KIF24: variants seen among roughly 807,000 people sequenced by gnomAD.
KIF24 encodes kinesin-like protein KIF24.
A neutral mutation model predicts 118.9 loss-of-function variants in KIF24; 81 were observed. The observed-to-expected ratio is 0.68, with a 90% CI of 0.57 to 0.82. The LOEUF is 0.82. Ranked by LOEUF, KIF24 falls within the 40% of genes least tolerant of loss-of-function variation. The pLI is 0.00. For missense variants in KIF24, 1,560 were observed against 1,661.6 expected, an observed-to-expected ratio of 0.94 and a Z score of 1.06; for synonymous variants, 599 against 610.0, an observed-to-expected ratio of 0.98 and a Z score of 0.27.
At chr9:34,312,451 T>C (rs1331327932) in intron 1 of KIF24, among the ~76,000 whole-genome samples, 1 of 152,242 alleles carries the variant, frequency 6.6e-6, no homozygotes, top group Non-Finnish European at 1.5e-5. Flanking sequence ...ACATTTTCTT[T>C]TTTAAAATGG....
At chr9:34,324,984 T>C (rs1224507555) in intron 1 of KIF24, among the ~76,000 whole-genome samples, 1 of 152,088 alleles carries the variant, frequency 6.6e-6, no homozygotes, top group Non-Finnish European at 1.5e-5. Context: ...ATAATTATTA[T>C]ATGATAATTA....
rs189283063 is a variant in KIF24 at position 34,319,000 on chromosome 9, G to A, written c.-25-7629C>T. ...ACATGGAGTGCATGGATGGCGCCCT[G>A]CTTGTCAACACCATGTTCTTCAAGC... On this transcript the variant is annotated intron_variant, in intron 1 of 12. Coordinates refer to ENST00000402558, the MANE Select transcript of KIF24 (RefSeq NM_194313.4). This position sits in a 1 kb window ranked among gnomAD's most constrained non-coding sequence, Gnocchi z 4.9. 37 of 1,229,318 alleles carry A rather than the reference G, an allele frequency of 3.0e-5. No homozygotes were observed. Among genetic ancestry groups the A allele is most frequent in the Non-Finnish European group, 2.3e-5 (19 of 833,378 alleles). The allele number at this position is 1,229,318 out of a possible 1,614,324, so 76.2% of individuals were successfully genotyped here. A position where few individuals can be genotyped will look rare whatever the true frequency, so the allele number is the denominator to read the frequency against.
chr9:34,269,704 C>T (rs895353255), intron 7 of KIF24, among the ~76,000 whole-genome samples: 4 of 151,938 alleles, frequency 2.6e-5, no homozygotes, highest in Non-Finnish European at 5.9e-5. Flanking sequence ...CAGGCATGAG[C>T]CACCGCGCCT....
intron 6 of KIF24, among the ~76,000 whole-genome samples, chr9:34,272,763 T>C (rs761859056): frequency 6.9e-4 from 105 of 152,184 alleles, no homozygotes; most frequent in Non-Finnish European, 2.9e-4. Flanking sequence ...GCTGGGATTA[T>C]AGGTGTGCAT....
intron 6 of KIF24, among the ~76,000 whole-genome samples, chr9:34,281,000 GTATT>G (rs1441849599): frequency 6.6e-6 from 1 of 152,148 alleles, no homozygotes; most frequent in Non-Finnish European, 1.5e-5. Context: ...TGTTATCAAT[GTATT>G]AATTCATTCA....
chr9:34,307,860 G>GAAAAA (rs57149308), intron 2 of KIF24, among the ~76,000 whole-genome samples: 7 of 113,916 alleles, frequency 6.1e-5, no homozygotes, highest in South Asian at 5.6e-4. Context: ...GACTCTGTCT[G>GAAAAA]AAAAAAAAAA....
At chr9:34,309,294 C>G (rs1837047851) in intron 2 of KIF24, among the ~76,000 whole-genome samples, 1 of 152,148 alleles carries the variant, frequency 6.6e-6, no homozygotes, top group South Asian at 2.1e-4. Context: ...GTAATCCCAG[C>G]ATTTTGGGAG....
intron 1 of KIF24, among the ~76,000 whole-genome samples, chr9:34,324,381 A>G (rs1056349311): frequency 4.6e-5 from 7 of 152,210 alleles, no homozygotes; most frequent in Non-Finnish European, 1.0e-4. Flanking sequence ...AAAGCATCCT[A>G]GAGGCCTTCT....
chr9:34,261,689 A>T (rs1349249892), intron 9 of KIF24, among the ~76,000 whole-genome samples: 3 of 152,214 alleles, frequency 2.0e-5, no homozygotes, highest in Non-Finnish European at 4.4e-5. Flanking sequence ...GTGGCTGCGT[A>T]ATAGTAGAAA....
Position 34,318,561 on chromosome 9 carries a change from G to A in KIF24, c.-25-7190C>T. ...GAACACAGCGCCGGCCTGGCCTTCAGCCTGTACCAGGCCATGGCCAAGGAC... is the reference window on the plus strand; with the variant it reads ...GAACACAGCGCCGGCCTGGCCTTCAACCTGTACCAGGCCATGGCCAAGGAC... On this transcript the variant is annotated intron_variant, in intron 1 of 12. Transcript: ENST00000402558. The surrounding 1 kb of genome is among the most constrained non-coding windows in gnomAD (Gnocchi z 4.9). The A allele has an allele frequency of 8.3e-7, 1 of 1,204,872 alleles. No homozygotes were observed. The highest frequency in any genetic ancestry group is 1.3e-5 in the South Asian group (1 of 79,778). 74.6% of individuals were successfully genotyped at this position (1,204,872 alleles called of 1,614,324 possible).
intron 1 of KIF24, among the ~76,000 whole-genome samples, chr9:34,323,244 TTC>T (rs1312830093): frequency 6.6e-6 from 1 of 152,220 alleles, no homozygotes; most frequent in Non-Finnish European, 1.5e-5. Flanking sequence ...AAGAAATTGT[TTC>T]TGTTTTTAAC....
chr9:34,257,307 T>C lies in KIF24; in HGVS notation c.2300A>G (p.Tyr767Cys). The change falls in exon 11 of 13, where the codon TAT becomes TGT. Residue 767 changes from tyrosine to cysteine, a missense_variant. This residue lies in a region of KIF24 where 964 missense variants were observed against 988.0 expected (regional missense o/e 0.98). Transcript: ENST00000402558. ...QKEREEHLRF[Y>C]HQQFQQPPLL... The stretch of plus-strand genomic sequence containing the variant: ...AGGTGGCTGTTGGAACTGCTGGTGA[T>C]AGAAACGCAGATGTTCCTCCCTCTC... The C allele has an allele frequency of 3.7e-6, 6 of 1,614,040 alleles. No individual in the cohort carries two copies. Among genetic ancestry groups the C allele is most frequent in the Non-Finnish European group, 5.1e-6 (6 of 1,179,904 alleles).
chr9:34,291,082 G>A (rs1356261560), intron 4 of KIF24, among the ~76,000 whole-genome samples: 1 of 152,168 alleles, frequency 6.6e-6, no homozygotes, highest in East Asian at 1.9e-4. Context: ...TAAATTTAGT[G>A]AAAGAATAGA....
At chr9:34,278,881 C>G (rs145214016) in intron 6 of KIF24, among the ~76,000 whole-genome samples, 1 of 152,170 alleles carries the variant, frequency 6.6e-6, no homozygotes, top group Non-Finnish European at 1.5e-5. Context: ...CTTTGGGAGG[C>G]TGAGATAGAG....
rs1676381818 is a variant in KIF24, at chr9:34,318,272, A to G, written c.-25-6901T>C. The G allele has an allele frequency of 3.6e-6, 2 of 551,516 alleles. No homozygotes were observed. The highest frequency in any genetic ancestry group is 1.9e-5 in the African/African-American group (1 of 52,926). 34.2% of individuals were successfully genotyped at this position (551,516 alleles called of 1,614,324 possible). A position where few individuals can be genotyped will look rare whatever the true frequency, so the allele number is the denominator to read the frequency against. ...TAAAAGTTACATAGAAATAGGCTAT[A>G]GAAGAGTAGAATCGTGTCGCGGCTC... On this transcript the variant is annotated intron_variant, in intron 1 of 12. Coordinates refer to ENST00000402558, the MANE Select transcript of KIF24 (RefSeq NM_194313.4). This position sits in a 1 kb window ranked among gnomAD's most constrained non-coding sequence, Gnocchi z 4.9.
intron 1 of KIF24, among the ~76,000 whole-genome samples, chr9:34,328,365 GGTTT>G (rs1163784066): frequency 6.6e-6 from 1 of 152,188 alleles, no homozygotes; most frequent in Non-Finnish European, 1.5e-5. Context: ...GCAACAGAAT[GGTTT>G]ATTTTAAGCA....
chr9:34,277,592 A>G (rs79192909), intron 6 of KIF24, among the ~76,000 whole-genome samples: 28 of 152,300 alleles, frequency 1.8e-4, no homozygotes, highest in African/African-American at 6.5e-4. Flanking sequence ...TTTTCACTGC[A>G]TCTTGTACAC....
chr9:34,265,649 C>T (rs531768303), intron 8 of KIF24, among the ~76,000 whole-genome samples: 1 of 152,068 alleles, frequency 6.6e-6, no homozygotes, highest in South Asian at 2.1e-4. Context: ...TAGTGGGATA[C>T]AACCCAATTA....
intron 5 of KIF24, among the ~76,000 whole-genome samples, chr9:34,287,951 C>T (rs2131745053): frequency 6.6e-6 from 1 of 151,942 alleles, no homozygotes; most frequent in Non-Finnish European, 1.5e-5. Flanking sequence ...TTTTAGAGCC[C>T]TGCTGTCATT....
Sources: gnomAD v4.1 joint callset for allele counts (sites outside exome capture counted in the v4.1 genomes callset) on GRCh38, gnomAD v4.1.1 for gene constraint, gnomAD v4.1.1 regional missense constraint, Gnocchi (gnomAD v3.1) non-coding constraint, MANE v1.5 for transcripts, NCBI Gene and HGNC (gene_info 2026-07-23, HGNC 2026-07-21) for gene names.